The following THSD7B variants were observed in gnomAD, a reference collection of about 807,000 sequenced individuals.
THSD7B encodes the protein thrombospondin type-1 domain-containing protein 7B.
In THSD7B, 138 loss-of-function variants were observed where a neutral mutation model predicts 213.6. The ratio of observed to expected loss-of-function variants is 0.65; its 90% confidence interval spans 0.56 to 0.74. The LOEUF (loss-of-function observed/expected upper bound fraction) is 0.74. THSD7B is among the 30% of genes least tolerant of loss of function. The pLI, the probability that THSD7B is intolerant of heterozygous loss-of-function variation, is 0.00. For missense variants in THSD7B, 1,931 were observed against 1,991.5 expected (o/e 0.97, Z 0.58); for synonymous variants, 742 against 687.0 (o/e 1.08, Z -1.25).
At chr2:137,602,265 GTTTT>G (rs1165384634) in intron 17 of THSD7B, among the ~76,000 whole-genome samples, 3 of 151,972 alleles carry the variant, frequency 2.0e-5, no homozygotes, top group African/African-American at 4.8e-5. Flanking sequence ...TTTTGTTTTT[GTTTT>G]TGTTTTTGTA....
chr2:137,446,440 G>T (rs1303417291), intron 14 of THSD7B, among the ~76,000 whole-genome samples: 1 of 151,958 alleles, frequency 6.6e-6, no homozygotes, highest in Non-Finnish European at 1.5e-5. Flanking sequence ...AATTCTATTT[G>T]GTAGATCATT....
chr2:137,232,642 A>G (rs1176687889), intron 8 of THSD7B, among the ~76,000 whole-genome samples: 1 of 152,216 alleles, frequency 6.6e-6, no homozygotes, highest in Non-Finnish European at 1.5e-5. Context: ...GTGGTGGGCA[A>G]CAGAGTCAAT....
chr2:136,872,382 CG>C (rs948614774), intron 1 of THSD7B, among the ~76,000 whole-genome samples: 6 of 21,576 alleles, frequency 2.8e-4, no homozygotes, highest in African/African-American at 8.3e-4. Context: ...ATACTTTTTT[CG>C]GGGGGGTGGG....
intron 1 of THSD7B, among the ~76,000 whole-genome samples, chr2:136,801,367 T>C (rs1010823595): frequency 6.6e-6 from 1 of 152,020 alleles, no homozygotes; most frequent in Non-Finnish European, 1.5e-5. Flanking sequence ...GGAATAGACC[T>C]CCAAAGTTCA....
intron 7 of THSD7B, among the ~76,000 whole-genome samples, chr2:137,178,827 G>C (rs989135503): frequency 6.6e-6 from 1 of 152,140 alleles, no homozygotes; most frequent in Non-Finnish European, 1.5e-5. Context: ...TGCTGCATAC[G>C]TAGACATTGC....
chr2:137,378,365 A>C (rs989231577), intron 12 of THSD7B, among the ~76,000 whole-genome samples: 3 of 152,234 alleles, frequency 2.0e-5, no homozygotes, highest in African/African-American at 7.2e-5. Context: ...GACTTTGCAC[A>C]GCGTGTCCAC....
intron 25 of THSD7B, among the ~76,000 whole-genome samples, chr2:137,661,445 T>C (rs1000337713): frequency 6.6e-6 from 1 of 151,784 alleles, no homozygotes; most frequent in African/African-American, 2.4e-5. Flanking sequence ...TTATCTCCCA[T>C]GTAAGGCTGC....
intron 12 of THSD7B, among the ~76,000 whole-genome samples, chr2:137,358,251 C>A (rs983148713): frequency 1.3e-5 from 2 of 152,190 alleles, no homozygotes; most frequent in Non-Finnish European, 1.5e-5. Context: ...TGAAAAGACA[C>A]ATTTTTTAAA....
chr2:136,844,663 GTGGAGA>G (rs1222889615), intron 1 of THSD7B, among the ~76,000 whole-genome samples: 1 of 152,230 alleles, frequency 6.6e-6, no homozygotes, highest in African/African-American at 2.4e-5. Context: ...TGAGGCAGAC[GTGGAGA>G]TGGAGATGAG....
intron 2 of THSD7B, among the ~76,000 whole-genome samples, chr2:136,891,886 T>C (rs958197556): frequency 6.6e-6 from 1 of 152,222 alleles, no homozygotes; most frequent in African/African-American, 2.4e-5. Context: ...CCCTGCTAAG[T>C]GTTCTCACTT....
intron 4 of THSD7B, among the ~76,000 whole-genome samples, chr2:137,098,862 C>G (rs905283747): frequency 3.9e-5 from 6 of 152,292 alleles, no homozygotes; most frequent in Non-Finnish European, 8.8e-5. Flanking sequence ...GGTTACCACA[C>G]TACCAAGTAG....
rs1403819995 is a variant in THSD7B, at chr2:137,487,388, A to AC, written c.3138+36365_3138+36366insC. Among the ~76,000 whole-genome samples, 40 of 141,392 alleles carry AC rather than the reference A, an allele frequency of 2.8e-4. 1 individual carries two copies. In the South Asian group the frequency reaches 7.3e-3, roughly 26 times the overall value. The allele number at this position is 141,392 out of a possible 152,430, so 92.8% of individuals were successfully genotyped here. A position where few individuals can be genotyped will look rare whatever the true frequency, so the allele number is the denominator to read the frequency against. ...AGACTCCGTCTCAAAAAAAAAAAAA[A>AC]AAAAAAAAAAAGAACTAGAAAAGCA... On this transcript the variant is annotated intron_variant, in intron 15 of 27. Coordinates refer to ENST00000409968, the MANE Select transcript of THSD7B (RefSeq NM_001316349.2).
chr2:136,943,858 G>A (rs1308238062), intron 2 of THSD7B, among the ~76,000 whole-genome samples: 1 of 152,032 alleles, frequency 6.6e-6, no homozygotes, highest in Non-Finnish European at 1.5e-5. Context: ...ATTTTTTGAA[G>A]GGTTTTTTGT....
At chr2:137,349,567 G>A (rs1031705515) in intron 12 of THSD7B, among the ~76,000 whole-genome samples, 2 of 151,776 alleles carry the variant, frequency 1.3e-5, no homozygotes, top group Non-Finnish European at 2.9e-5. Context: ...TGCCAGGAGG[G>A]CAAAGCTGTC....
intron 2 of THSD7B, among the ~76,000 whole-genome samples, chr2:136,999,895 A>G (rs1685969617): frequency 6.6e-6 from 1 of 152,158 alleles, no homozygotes; most frequent in African/African-American, 2.4e-5. Context: ...CACATTTTGG[A>G]AATGGATGGA....
chr2:136,933,106 C>CCCTTCCTTCCTTCCTTCCTT (rs1409957040), intron 2 of THSD7B, among the ~76,000 whole-genome samples: 15 of 98,916 alleles, frequency 1.5e-4, no homozygotes, highest in African/African-American at 4.4e-4. Flanking sequence ...ATTTTGCCCG[C>CCCTTCCTTCCTTCCTTCCTT]CATTCCTTCC....
chr2:136,776,184 A>G (rs1192500330), intron 1 of THSD7B, among the ~76,000 whole-genome samples: 1 of 152,132 alleles, frequency 6.6e-6, no homozygotes, highest in Non-Finnish European at 1.5e-5. Context: ...TCAGCATGGG[A>G]AGAAAGGAAT....
chr2:137,584,863 C>G (rs565113884), intron 17 of THSD7B, among the ~76,000 whole-genome samples: 16 of 152,166 alleles, frequency 1.1e-4, no homozygotes, highest in South Asian at 8.3e-4. Flanking sequence ...AATGAGTTAG[C>G]GAGGATTCCC....
chr2:137,346,977 G>A (rs1052627033), intron 12 of THSD7B, among the ~76,000 whole-genome samples: 2 of 151,576 alleles, frequency 1.3e-5, no homozygotes, highest in African/African-American at 4.8e-5. Flanking sequence ...ATAGTTCTAT[G>A]TTTAACTTTC....
Sources: gnomAD v4.1 joint callset for allele counts (sites outside exome capture counted in the v4.1 genomes callset) on GRCh38, gnomAD v4.1.1 for gene constraint, MANE v1.5 for transcripts, NCBI Gene and HGNC (gene_info 2026-07-23, HGNC 2026-07-21) for gene names.